Variants in SHBG observed in about 807,000 individuals in gnomAD.
SHBG encodes sex hormone binding globulin, also known as sex hormone-binding globulin.
In SHBG, 37 loss-of-function variants were observed where a neutral mutation model predicts 41.9. The ratio of observed to expected loss-of-function variants is 0.88; its 90% CI spans 0.68 to 1.16. The LOEUF (loss-of-function observed/expected upper bound fraction) is 1.16, where lower values mean the gene tolerates loss of function less well. SHBG is among the 50% of genes most tolerant of loss of function. The pLI, the probability that SHBG is intolerant of heterozygous loss-of-function variation, is 0.00. For synonymous variants in SHBG, 217 were observed against 205.8 expected (o/e 1.05, Z -0.47); for missense variants, 466 against 499.9 (o/e 0.93, Z 0.65).
At chr17:7,618,891 G>C (rs886978139) in intron 1 of SHBG, among the ~76,000 whole-genome samples, 1 of 152,070 alleles carries the variant, frequency 6.6e-6, no homozygotes, top group East Asian at 1.9e-4. Flanking sequence ...TCAAAATGAC[G>C]TAGATTGAAA....
upstream of SHBG, chr17:7,627,745 C>A (rs771102778): frequency 8.4e-6 from 8 of 952,294 alleles, no homozygotes; most frequent in African/African-American, 1.3e-4. This position sits in a 1 kb window ranked among gnomAD's most constrained non-coding sequence, Gnocchi z 4.8. Context: ...AGCGGGGTGG[C>A]GGGAGTCGGG....
upstream of SHBG, chr17:7,628,285 A>G (rs1010081835): frequency 7.9e-5 from 17 of 213,986 alleles, no homozygotes; most frequent in Non-Finnish European, 1.5e-4. Context: ...ATTTTTGGAG[A>G]TGGTGTATTG....
chr17:7,616,823 C>A (rs899908992), intron 1 of SHBG, among the ~76,000 whole-genome samples: 1 of 152,158 alleles, frequency 6.6e-6, no homozygotes, highest in African/African-American at 2.4e-5. Context: ...GTAAACCCAG[C>A]TACTTGGGAG....
upstream of SHBG, chr17:7,627,763 G>T: frequency 9.3e-7 from 1 of 1,072,430 alleles, no homozygotes; most frequent in Non-Finnish European, 1.4e-6. This position sits in a 1 kb window ranked among gnomAD's most constrained non-coding sequence, Gnocchi z 4.8. Flanking sequence ...GGGGGGGACG[G>T]CGGGGTAGCC....
chr17:7,622,553 G>T (rs550618131), intron 1 of SHBG, among the ~76,000 whole-genome samples: 2 of 152,032 alleles, frequency 1.3e-5, no homozygotes, highest in Non-Finnish European at 2.9e-5. Context: ...GATTACAGGC[G>T]TGAGCCACTG....
At chr17:7,628,384 C>T (rs1006137324), upstream of SHBG, among the ~76,000 whole-genome samples, 1 of 152,098 alleles carries the variant, frequency 6.6e-6, no homozygotes, top group Non-Finnish European at 1.5e-5. Context: ...CTGTCTCAGC[C>T]TCCGGAGTAG....
At chr17:7,628,954 G>C (rs1242513386), upstream of SHBG, among the ~76,000 whole-genome samples, 1 of 152,162 alleles carries the variant, frequency 6.6e-6, no homozygotes, top group Non-Finnish European at 1.5e-5. Context: ...TACTCGGGAG[G>C]CTGAGACAGG....
At chr17:7,627,831 G>C, upstream of SHBG, 1 of 675,174 alleles carries the variant, frequency 1.5e-6, no homozygotes, top group Middle Eastern at 2.4e-4. This position sits in a 1 kb window ranked among gnomAD's most constrained non-coding sequence, Gnocchi z 4.8. Flanking sequence ...GAGTAGGCCA[G>C]CGAGGCGATC....
chr17:7,626,971 C>A, upstream of SHBG: 1 of 1,614,002 alleles, frequency 6.2e-7, no homozygotes, highest in South Asian at 1.1e-5. Context: ...CATAGATATC[C>A]TCCAGATAAA....
At position 7,630,490 on chromosome 17, in the gene SHBG, C is replaced by T; in HGVS notation, c.186C>T (p.Asp62=). Reference sequence around the variant, plus strand: ...AGCCTATCGCTGTCATGACCTTTGACCTCACCAAGATCACAAAGTATGGGG... The same window carrying T: ...AGCCTATCGCTGTCATGACCTTTGATCTCACCAAGATCACAAAGTATGGGG... ...GQEPIAVMTF[D]LTKITKTSSS... Residue 62 remains aspartate (D), a synonymous_variant, in exon 2 of 8, where the codon GAC becomes GAT. Transcript: ENST00000380450. The surrounding 1 kb of genome is among the most constrained non-coding windows in gnomAD (Gnocchi z 4.6). The T allele has an allele frequency of 6.2e-7, 1 of 1,614,100 alleles. No homozygotes were observed. The highest frequency in any genetic ancestry group is 8.5e-7 in the Non-Finnish European group (1 of 1,179,944).
chr17:7,627,422 G>GT (rs754741028), upstream of SHBG: 15 of 1,613,922 alleles, frequency 9.3e-6, no homozygotes, highest in Non-Finnish European at 1.3e-5. This position sits in a 1 kb window ranked among gnomAD's most constrained non-coding sequence, Gnocchi z 4.8. Flanking sequence ...CTCCTAAGGC[G>GT]TGGGTACGGA....
At chr17:7,623,996 G>A (rs1195772610), upstream of SHBG, among the ~76,000 whole-genome samples, 2 of 151,826 alleles carry the variant, frequency 1.3e-5, no homozygotes, top group Non-Finnish European at 2.9e-5. Flanking sequence ...TTGCTCTGTC[G>A]CCCAGAGTGC....
At chr17:7,615,871 G>T (rs1373594008) in intron 1 of SHBG, among the ~76,000 whole-genome samples, 2 of 150,820 alleles carry the variant, frequency 1.3e-5, no homozygotes, top group African/African-American at 4.9e-5. Context: ...TAGAAAGAAA[G>T]CTTTAAGAAT....
In SHBG at chr17:7,631,793, C is replaced by A. The variant is rs368894566; in HGVS notation, c.715+45C>A. 7.4e-6 allele frequency: 12 copies of A among 1,612,882 alleles called. No homozygotes were observed. In the African/African-American group the frequency reaches 1.6e-4, roughly 22 times the overall value. The stretch of plus-strand genomic sequence containing the variant: ...ATTTTTCCCACCCTGGCCAGCTCAG[C>A]CTGCCTCTGTCCCCCTCTACCACTG... On this transcript the variant is annotated intron_variant, in intron 5 of 7. Transcript: ENST00000380450.
chr17:7,629,206 T>G (rs2072320221), upstream of SHBG, among the ~76,000 whole-genome samples: 1 of 151,638 alleles, frequency 6.6e-6, no homozygotes, highest in Non-Finnish European at 1.5e-5. Flanking sequence ...AATCCCCGTC[T>G]CTACTAAAAA....
At chr17:7,616,605 A>G (rs961571292) in intron 1 of SHBG, among the ~76,000 whole-genome samples, 6 of 150,504 alleles carry the variant, frequency 4.0e-5, no homozygotes, top group Admixed American at 4.0e-4. Context: ...AGCTGGGGCG[A>G]CAGAGCGAGA....
chr17:7,614,557 C>T (rs1293011037), intron 1 of SHBG: 2 of 1,419,492 alleles, frequency 1.4e-6, no homozygotes, highest in African/African-American at 3.0e-5. Flanking sequence ...CTCCGACTCC[C>T]CCGGCGGCGG....
upstream of SHBG, among the ~76,000 whole-genome samples, chr17:7,624,042 C>A (rs549988038): frequency 6.6e-6 from 1 of 152,164 alleles, no homozygotes; most frequent in African/African-American, 2.4e-5. Context: ...AACTCCACCT[C>A]CTAGGTTCAA....
At chr17:7,626,189 CAAA>C (rs370938874), upstream of SHBG, 4,284 of 231,162 alleles carry the variant, frequency 0.019, no homozygotes, top group Middle Eastern at 0.03. Context: ...GACTCTGTCT[CAAA>C]AAAAAAAAAA....
Sources: allele counts gnomAD v4.1 joint callset (sites outside exome capture counted in the v4.1 genomes callset), GRCh38; gene constraint gnomAD v4.1.1; non-coding constraint Gnocchi (gnomAD v3.1); transcripts MANE v1.5; gene names NCBI Gene and HGNC (gene_info 2026-07-23, HGNC 2026-07-21).